Variants in RBM26 observed in about 807,000 individuals in gnomAD.
RBM26 encodes RNA-binding protein 26.
Under a neutral mutation model 123.6 loss-of-function variants are expected in RBM26, and 30 were observed. The ratio of observed to expected loss-of-function variants is 0.24; its 90% CI spans 0.18 to 0.33. The LOEUF is 0.33. Among genes scored for constraint, RBM26 ranks in the 10% least tolerant of loss-of-function variants. RBM26 has a pLI of 1.00. For missense variants in RBM26, 947 were observed against 1,203.6 expected (o/e 0.79, Z 3.15); for synonymous variants, 400 against 404.4 (o/e 0.99, Z 0.13).
In RBM26 at chr13:79,389,234, A is replaced by G. The variant is rs868304824; in HGVS notation, c.72-10327T>C. Among the ~76,000 whole-genome samples the G allele has an allele frequency of 4.6e-5, 7 of 152,324 alleles. No individual in the cohort carries two copies. In the South Asian group the frequency reaches 8.3e-4, roughly 18 times the overall value. ...TGAGGAACTACTTATAATGCAATAC[A>G]TAACATCATAAAACAAGTTCCTCTG... is the stretch of plus-strand genomic sequence containing the variant. On this transcript the variant is annotated intron_variant, in intron 1 of 21. Coordinates refer to ENST00000438737, the MANE Select transcript of RBM26 (RefSeq NM_001366735.2).
At chr13:79,326,237 G>A (rs1046551530) in intron 20 of RBM26, among the ~76,000 whole-genome samples, 17 of 152,182 alleles carry the variant, frequency 1.1e-4, no homozygotes, top group Admixed American at 2.6e-4. Flanking sequence ...TAAACAGTAC[G>A]AATAATTAAT....
rs546108666 is a variant in RBM26, at chr13:79,380,058, T to C, written c.72-1151A>G. ...GTGAGTAAACTGGTAGCTGATAGAATACTCTGGTAGTATCAAGGTCACAAA... is the reference window on the plus strand; with the variant it reads ...GTGAGTAAACTGGTAGCTGATAGAACACTCTGGTAGTATCAAGGTCACAAA... On this transcript the variant is annotated intron_variant, in intron 1 of 21. Transcript: ENST00000438737. Among the ~76,000 whole-genome samples the C allele has an allele frequency of 1.2e-4, 18 of 152,300 alleles. No homozygotes were observed. The South Asian group carries it at 1.9e-3, about 16-fold the overall frequency.
At position 79,319,922 on chromosome 13, in the gene RBM26, T is replaced by C. The variant is rs537924422; in HGVS notation, c.*699A>G. ...TCTTTTCTTTTTTCTTTTCTTTTTTTTTTTAAATCAAGGAACATTGTCTTG... is the reference window on the plus strand; with the variant it reads ...TCTTTTCTTTTTTCTTTTCTTTTTTCTTTTAAATCAAGGAACATTGTCTTG... On this transcript the variant is annotated 3_prime_UTR_variant, in exon 22 of 22. Coordinates refer to ENST00000438737, the MANE Select transcript of RBM26 (RefSeq NM_001366735.2). 32 of 922,232 alleles carry C rather than the reference T, an allele frequency of 3.5e-5. No homozygotes were observed. Among genetic ancestry groups the C allele is most frequent in the African/African-American group, 1.8e-4 (10 of 55,468 alleles). The allele number at this position is 922,232 out of a possible 1,614,324, so 57.1% of individuals were successfully genotyped here. A position where few individuals can be genotyped will look rare whatever the true frequency, so the allele number is the denominator to read the frequency against.
intron 10 of RBM26, among the ~76,000 whole-genome samples, chr13:79,359,180 C>A (rs1314328296): frequency 6.6e-6 from 1 of 152,142 alleles, no homozygotes; most frequent in Non-Finnish European, 1.5e-5. Context: ...CCCACAAAAG[C>A]CCTTTCTAGC....
chr13:79,388,242 T>C, intron 1 of RBM26, among the ~76,000 whole-genome samples: 1 of 152,294 alleles, frequency 6.6e-6, no homozygotes, highest in East Asian at 1.9e-4. Context: ...ATTACAGGCA[T>C]GTACCACCAC....
chr13:79,385,660 T>C (rs1566558133), intron 1 of RBM26, among the ~76,000 whole-genome samples: 1 of 152,170 alleles, frequency 6.6e-6, no homozygotes, highest in African/African-American at 2.4e-5. Flanking sequence ...AGAATTAAAA[T>C]TGAGAAAAAA....
chr13:79,400,013 G>A (rs2078929085), intron 1 of RBM26, among the ~76,000 whole-genome samples: 1 of 152,156 alleles, frequency 6.6e-6, no homozygotes, highest in Non-Finnish European at 1.5e-5. Context: ...GAAAATAAAT[G>A]CAGAGTAGAG....
At chr13:79,322,963 G>A (rs567361152) in intron 20 of RBM26, among the ~76,000 whole-genome samples, 1 of 150,696 alleles carries the variant, frequency 6.6e-6, no homozygotes, top group East Asian at 2.0e-4. Context: ...CATGTGTAAA[G>A]TATATTATTT....
In RBM26 at chr13:79,319,905, TTTTTC is replaced by T. The variant is rs1277907997; in HGVS notation, c.*711_*715del. On this transcript the variant is annotated 3_prime_UTR_variant, in exon 22 of 22. Transcript: ENST00000438737. ...GTCTATTTTAATTTTTTTCTTTTCT[TTTTTC>T]TTTTCTTTTTTTTTTTAAATCAAGG... The T allele has an allele frequency of 3.6e-5, 34 of 955,356 alleles. No individual in the cohort carries two copies. The highest frequency in any genetic ancestry group is 1.4e-4 in the African/African-American group (8 of 56,268). The allele number at this position is 955,356 out of a possible 1,614,324, so 59.2% of individuals were successfully genotyped here.
At chr13:79,386,366 T>C (rs932227874) in intron 1 of RBM26, among the ~76,000 whole-genome samples, 29 of 150,756 alleles carry the variant, frequency 1.9e-4, no homozygotes, top group African/African-American at 6.6e-4. Flanking sequence ...GGAATCCTGA[T>C]ATCACACTTG....
At chr13:79,398,249 A>G (rs2078762224) in intron 1 of RBM26, among the ~76,000 whole-genome samples, 1 of 152,246 alleles carries the variant, frequency 6.6e-6, no homozygotes, top group African/African-American at 2.4e-5. Flanking sequence ...AGCTTCAGTT[A>G]GTCATTCTCA....
intron 14 of RBM26, among the ~76,000 whole-genome samples, chr13:79,347,039 A>T (rs1249378812): frequency 6.6e-6 from 1 of 152,246 alleles, no homozygotes; most frequent in Non-Finnish European, 1.5e-5. Context: ...AATTTATTTA[A>T]CCAAGTATTT....
At chr13:79,335,472 C>T (rs187542158) in intron 19 of RBM26, among the ~76,000 whole-genome samples, 2 of 152,140 alleles carry the variant, frequency 1.3e-5, no homozygotes, top group South Asian at 2.1e-4. Flanking sequence ...CTGGAAGATA[C>T]AGCATTTTTG....
At chr13:79,345,793 C>T (rs894180678) in intron 14 of RBM26, among the ~76,000 whole-genome samples, 1 of 152,010 alleles carries the variant, frequency 6.6e-6, no homozygotes, top group Non-Finnish European at 1.5e-5. Flanking sequence ...CTGCACTAAA[C>T]TAGACTGAAA....
chr13:79,363,940 T>C (rs2074990873), intron 9 of RBM26, among the ~76,000 whole-genome samples: 2 of 152,120 alleles, frequency 1.3e-5, no homozygotes, highest in South Asian at 4.1e-4. Context: ...CAAGGAATAT[T>C]GGTATGAGGA....
intron 19 of RBM26, among the ~76,000 whole-genome samples, chr13:79,336,499 C>A (rs968520557): frequency 3.3e-5 from 5 of 152,096 alleles, no homozygotes; most frequent in Non-Finnish European, 7.4e-5. Flanking sequence ...GATGAAAGGG[C>A]CATTCAGCAG....
At chr13:79,324,796 T>A (rs1045826385) in intron 20 of RBM26, among the ~76,000 whole-genome samples, 10 of 151,838 alleles carry the variant, frequency 6.6e-5, no homozygotes, top group East Asian at 1.9e-4. Context: ...AGAAAAAAAA[T>A]TCATCCAATT....
intron 1 of RBM26, among the ~76,000 whole-genome samples, chr13:79,392,915 C>A (rs900904102): frequency 3.9e-5 from 6 of 152,102 alleles, no homozygotes; most frequent in Admixed American, 2.0e-4. Context: ...AAAAATCTGA[C>A]TCCATAGATG....
rs2067387600 is a variant in RBM26 at position 79,318,907 on chromosome 13, T to G, written c.*1714A>C. On this transcript the variant is annotated 3_prime_UTR_variant, in exon 22 of 22. Transcript: ENST00000438737. ...AAAAAGAAAAGAAAACAAACTTACC[T>G]AATGAATCAGAATAGCACATAGTCA... The G allele has an allele frequency of 1.0e-6, 1 of 979,522 alleles. No homozygotes were observed. Among genetic ancestry groups the G allele is most frequent in the Non-Finnish European group, 1.2e-6 (1 of 824,766 alleles). The allele number at this position is 979,522 out of a possible 1,614,324, so 60.7% of individuals were successfully genotyped here. A position where few individuals can be genotyped will look rare whatever the true frequency, so the allele number is the denominator to read the frequency against.
Sources: gnomAD v4.1 joint callset for allele counts (sites outside exome capture counted in the v4.1 genomes callset) on GRCh38, gnomAD v4.1.1 for gene constraint, MANE v1.5 for transcripts, NCBI Gene and HGNC (gene_info 2026-07-23, HGNC 2026-07-21) for gene names.